The following DOCK6 variants were observed in gnomAD, a reference collection of about 807,000 sequenced individuals.
The protein encoded by DOCK6 is dedicator of cytokinesis 6.
DOCK6 carries 167 observed loss-of-function variants against 230.3 expected under a neutral mutation model. The ratio of observed to expected loss-of-function variants is 0.73; its 90% CI spans 0.64 to 0.82. The LOEUF is 0.82. DOCK6 is among the 40% of genes least tolerant of loss of function. The pLI is 0.00. For missense variants in DOCK6, 2,598 were observed against 2,825.8 expected, an observed-to-expected ratio of 0.92 and a Z score of 1.83; for synonymous variants, 1,148 against 1,185.0, an observed-to-expected ratio of 0.97 and a Z score of 0.64.
At position 11,245,691 on chromosome 19, in the gene DOCK6, C is replaced by T. The variant is rs1356663574; in HGVS notation, c.895G>A (p.Asp299Asn). The change falls in exon 9 of 48, where the codon GAC (aspartate) becomes AAC (asparagine). Residue 299 changes from aspartate (D) to asparagine (N), a missense_variant. By Grantham distance (23) the Asp-to-Asn change is conservative. Transcript: ENST00000294618. Reference sequence around the variant, plus strand: ...CCCTTCATGGAGTCCGAGTTCAGGTCGAAGTAGAAGTTCTCCGAGATCTGG... The same window carrying T: ...CCCTTCATGGAGTCCGAGTTCAGGTTGAAGTAGAAGTTCTCCGAGATCTGG... ...KKKISENFYF[D>N]LNSDSMKGLL... 2.3e-5 allele frequency: 37 copies of T among 1,605,424 alleles called. No individual in the cohort carries two copies. The highest frequency in any genetic ancestry group is 3.0e-5 in the Non-Finnish European group (35 of 1,175,146).
chr19:11,199,503 G>A lies in DOCK6; in HGVS notation c.6138C>T (p.Asp2046=). The stretch of plus-strand genomic sequence containing the variant: ...AGCTTTGGTCCTTGTGGGCTCAGAG[G>A]TCTGCCTTTCGGAAACTTGCTCTGT... ...SLNRASFRKA[D]L is the part of the protein sequence containing the mutation. Residue 2046 remains aspartate, a synonymous_variant, in exon 48 of 48, where the codon GAC becomes GAT. Transcript: ENST00000294618. 1 of 1,583,698 alleles carries A rather than the reference G, an allele frequency of 6.3e-7. No individual in the cohort carries two copies. Among genetic ancestry groups the A allele is most frequent in the South Asian group, 1.2e-5 (1 of 86,230 alleles).
intron 22 of DOCK6, chr19:11,232,386 C>G: frequency 9.9e-6 from 9 of 912,742 alleles, no homozygotes; most frequent in African/African-American, 1.7e-5. Context: ...CATACATGTG[C>G]CCACATGTGC....
At chr19:11,223,373 G>T (rs2079612286) in intron 24 of DOCK6, among the ~76,000 whole-genome samples, 1 of 152,160 alleles carries the variant, frequency 6.6e-6, no homozygotes, top group African/African-American at 2.4e-5. Flanking sequence ...GCTGGGGAGA[G>T]ACTATATTTC....
chr19:11,254,828 G>A (rs1326474630), intron 1 of DOCK6, among the ~76,000 whole-genome samples: 1 of 152,178 alleles, frequency 6.6e-6, no homozygotes, highest in Non-Finnish European at 1.5e-5. Flanking sequence ...GTGGATGAGA[G>A]AGCCATGCAG....
At chr19:11,240,422 C>T in intron 14 of DOCK6, 1 of 993,760 alleles carries the variant, frequency 1.0e-6, no homozygotes, top group Non-Finnish European at 1.4e-6. Context: ...CCCTGCATGT[C>T]CCCAGACAAA....
intron 41 of DOCK6, 109 bp downstream of exon 41, chr19:11,203,972 A>G (rs1568665690): frequency 1.4e-6 from 2 of 1,442,006 alleles, no homozygotes; most frequent in Non-Finnish European, 1.9e-6. Context: ...CCCAGCCCCA[A>G]GGGCCAGCGG....
chr19:11,250,775 T>C, intron 6 of DOCK6, 99 bp downstream of exon 6: 1 of 1,178,682 alleles, frequency 8.5e-7, no homozygotes, highest in South Asian at 1.5e-5. Context: ...CAGGTGTATA[T>C]AGTAGATGTC....
chr19:11,217,062 GACTCAGC>G lies in DOCK6; in HGVS notation c.3739_3745del (p.Ala1247GlnfsTer13). 6.2e-7 allele frequency: 1 copy of G among 1,613,364 alleles called. No individual in the cohort carries two copies. The highest frequency in any genetic ancestry group is 2.2e-5 in the East Asian group (1 of 44,888). On this transcript the variant is annotated frameshift_variant, in exon 30 of 48. Coordinates refer to ENST00000294618, the MANE Select transcript of DOCK6 (RefSeq NM_020812.4). LOFTEE classifies it high-confidence loss of function. ...CACACACGCCAGCAAGGTCCGGCTT[GACTCAGC>G]AGAGAGGGCACAGCCTGCGCGAGAA... is the stretch of plus-strand genomic sequence containing the variant.
chr19:11,252,379 T>C (rs1017847515), intron 4 of DOCK6, 103 bp downstream of exon 4: 1 of 1,582,144 alleles, frequency 6.3e-7, no homozygotes, highest in Non-Finnish European at 8.7e-7. Context: ...GTTTGCCTGC[T>C]CTTGCAGGGA....
At position 11,262,519 on chromosome 19, in the gene DOCK6, C is replaced by T. The variant is rs1444067465; in HGVS notation, c.-79G>A. The T allele has an allele frequency of 8.7e-6, 8 of 923,760 alleles. No individual in the cohort carries two copies. Among genetic ancestry groups the T allele is most frequent in the African/African-American group, 5.4e-5 (3 of 55,422 alleles). The allele number at this position is 923,760 out of a possible 1,614,324, so 57.2% of individuals were successfully genotyped here. A position where few individuals can be genotyped will look rare whatever the true frequency, so the allele number is the denominator to read the frequency against. On this transcript the variant is annotated 5_prime_UTR_variant, in exon 1 of 48. Coordinates refer to ENST00000294618, the MANE Select transcript of DOCK6 (RefSeq NM_020812.4). ...GCCTCCCGGTTCTGGGCAGCCGGGG[C>T]GGGGCGGGGCCGGCGCGGGGGCGGG... is the stretch of plus-strand genomic sequence containing the variant.
intron 23 of DOCK6, among the ~76,000 whole-genome samples, chr19:11,228,408 T>A (rs1003220193): frequency 3.0e-4 from 46 of 152,048 alleles, no homozygotes; most frequent in Admixed American, 2.6e-3. Flanking sequence ...AAGAGTCTCA[T>A]GGGGAAGGGT....
intron 14 of DOCK6, among the ~76,000 whole-genome samples, chr19:11,239,162 G>C (rs947227496): frequency 6.6e-6 from 1 of 152,270 alleles, no homozygotes; most frequent in African/African-American, 2.4e-5. Context: ...GTGACCTTGG[G>C]AGAGTCTCTG....
intron 22 of DOCK6, among the ~76,000 whole-genome samples, chr19:11,231,612 C>T (rs1452347054): frequency 2.0e-5 from 3 of 152,092 alleles, no homozygotes; most frequent in Non-Finnish European, 4.4e-5. Context: ...AAACTGCATC[C>T]GAAAATTTGG....
chr19:11,209,275 T>C (rs2079321290), intron 37 of DOCK6, among the ~76,000 whole-genome samples, 172 bp from the exon 38 acceptor site: 1 of 144,676 alleles, frequency 6.9e-6, no homozygotes, highest in South Asian at 2.3e-4. Flanking sequence ...CCATCCCTCA[T>C]CTATCTCCCC....
At chr19:11,225,079 T>A (rs2147791538) in intron 24 of DOCK6, among the ~76,000 whole-genome samples, 1 of 151,032 alleles carries the variant, frequency 6.6e-6, no homozygotes, top group Admixed American at 6.6e-5. Context: ...AAAAAAAAAA[T>A]TAGCCGGGCA....
At chr19:11,249,783 A>C (rs2147870017) in intron 6 of DOCK6, among the ~76,000 whole-genome samples, 1 of 147,984 alleles carries the variant, frequency 6.8e-6, no homozygotes, top group South Asian at 2.2e-4. Context: ...CTGTAGTCCC[A>C]GCTACTCGGG....
In DOCK6 at chr19:11,215,846, G is replaced by T. The variant is rs1568227690; in HGVS notation, c.3976C>A (p.Leu1326Met). Residue 1326 changes from leucine (L) to methionine (M), a missense_variant, in exon 31 of 48, where the codon CTG (leucine) becomes ATG (methionine). Transcript: ENST00000294618. ...TCTTGTCGAGCTCCGATGGTACCCAGAATGGCTTCCTCTAGCCGCGCCTTC... is the reference window on the plus strand; with the variant it reads ...TCTTGTCGAGCTCCGATGGTACCCATAATGGCTTCCTCTAGCCGCGCCTTC... ...DMKARLEEAILGTIGARQEMV... is the reference protein window; with the variant it reads ...DMKARLEEAIMGTIGARQEMV... 6.2e-6 allele frequency: 10 copies of T among 1,613,990 alleles called. No homozygotes were observed. The highest frequency in any genetic ancestry group is 6.8e-6 in the Non-Finnish European group (8 of 1,179,896).
Position 11,200,512 on chromosome 19 carries a change from G to A in DOCK6, c.5940-43C>T. On this transcript the variant is annotated intron_variant, in intron 46 of 47. Transcript: ENST00000294618. The surrounding 1 kb of genome is among the most constrained non-coding windows in gnomAD (Gnocchi z 4.3). Reference sequence around the variant, plus strand: ...GGAGATGCTCAGAGACTCGCACACGGGACTGAAAGCAAGACTAGGGGTGGG... The same window carrying A: ...GGAGATGCTCAGAGACTCGCACACGAGACTGAAAGCAAGACTAGGGGTGGG... 1.3e-6 allele frequency: 2 copies of A among 1,592,742 alleles called. No individual in the cohort carries two copies. Among genetic ancestry groups the A allele is most frequent in the African/African-American group, 1.3e-5 (1 of 74,480 alleles).
intron 34 of DOCK6, among the ~76,000 whole-genome samples, 178 bp downstream of exon 34, chr19:11,214,097 A>G (rs866840839): frequency 9.4e-5 from 14 of 149,118 alleles, no homozygotes; most frequent in Admixed American, 3.3e-4. Flanking sequence ...CTAATTTTTA[A>G]TTTTTTTGTA....
Sources: allele counts gnomAD v4.1 joint callset (sites outside exome capture counted in the v4.1 genomes callset), GRCh38; gene constraint gnomAD v4.1.1; non-coding constraint Gnocchi (gnomAD v3.1); transcripts MANE v1.5; gene names NCBI Gene and HGNC (gene_info 2026-07-23, HGNC 2026-07-21).